Variants in CAPN2 observed in about 807,000 individuals in gnomAD.
The protein encoded by CAPN2 is calpain-2 catalytic subunit.
Under a neutral mutation model 102.3 loss-of-function variants are expected in CAPN2, and 92 were observed. The observed-to-expected ratio is 0.90, with a 90% CI of 0.76 to 1.07. The LOEUF (loss-of-function observed/expected upper bound fraction) is 1.07, where lower values mean the gene tolerates loss of function less well. Ranked by LOEUF, CAPN2 falls within the 50% of genes least tolerant of loss-of-function variation. The pLI, the probability that CAPN2 is intolerant of heterozygous loss-of-function variation, is 0.00. For synonymous variants in CAPN2, 340 were observed against 355.4 expected (o/e 0.96, Z 0.49); for missense variants, 800 against 909.4 (o/e 0.88, Z 1.55).
intron 1 of CAPN2, among the ~76,000 whole-genome samples, chr1:223,715,034 A>C (rs1054795022): frequency 6.6e-6 from 1 of 152,226 alleles, no homozygotes; most frequent in African/African-American, 2.4e-5. Context: ...CTCAGAGTCA[A>C]GTGGATATAG....
chr1:223,708,735 C>T (rs534878570), upstream of CAPN2, among the ~76,000 whole-genome samples: 6 of 151,572 alleles, frequency 4.0e-5, no homozygotes, highest in African/African-American at 1.5e-4. Flanking sequence ...TGCACCACTG[C>T]ACTCCAGCCT....
intron 3 of CAPN2, 96 bp from the exon 4 acceptor site, chr1:223,745,210 C>G (rs28370053): frequency 6.5e-7 from 1 of 1,536,930 alleles, no homozygotes; most frequent in Non-Finnish European, 8.9e-7. Flanking sequence ...GAACCTATCC[C>G]AGGGGATCAG....
At chr1:223,736,682 A>G (rs574561962) in intron 2 of CAPN2, among the ~76,000 whole-genome samples, 1 of 152,218 alleles carries the variant, frequency 6.6e-6, no homozygotes, top group East Asian at 1.9e-4. Flanking sequence ...TTTAAATCCA[A>G]GGGTTCCCTT....
At chr1:223,714,249 T>C (rs1042441071) in intron 1 of CAPN2, among the ~76,000 whole-genome samples, 1 of 152,230 alleles carries the variant, frequency 6.6e-6, no homozygotes, top group African/African-American at 2.4e-5. Flanking sequence ...ATCATGTGTA[T>C]ATTATTTACC....
At chr1:223,707,676 T>C (rs1659642113), upstream of CAPN2, among the ~76,000 whole-genome samples, 1 of 152,178 alleles carries the variant, frequency 6.6e-6, no homozygotes, top group Non-Finnish European at 1.5e-5. Flanking sequence ...CAGCGATCCC[T>C]AGAAGGCTGG....
chr1:223,745,678 TTC>T (rs1434279190), intron 4 of CAPN2, among the ~76,000 whole-genome samples: 1 of 152,242 alleles, frequency 6.6e-6, no homozygotes, highest in African/African-American at 2.4e-5. Flanking sequence ...ATAGAAGGAC[TTC>T]TTTGGCCAAA....
intron 1 of CAPN2, among the ~76,000 whole-genome samples, chr1:223,704,112 G>A (rs973151419): frequency 6.6e-6 from 1 of 151,068 alleles, no homozygotes; most frequent in African/African-American, 2.5e-5. Context: ...CCAACATGGT[G>A]AAACCCCGTC....
At position 223,755,407 on chromosome 1, in the gene CAPN2, G is replaced by A. The variant is rs1016137920; in HGVS notation, c.1136-73G>A. On this transcript the variant is annotated intron_variant, in intron 9 of 20. Transcript: ENST00000295006. The surrounding 1 kb of genome is among the most constrained non-coding windows in gnomAD (Gnocchi z 4.1). The stretch of plus-strand genomic sequence containing the variant: ...ATCCCTCTCAGAAGCCTCCAAGCCT[G>A]AGACCAGGGCCACCCCCCACCCCCA... The A allele has an allele frequency of 3.5e-5, 53 of 1,522,510 alleles. No individual in the cohort carries two copies. In the South Asian group the frequency reaches 5.6e-4, roughly 16 times the overall value. The allele number at this position is 1,522,510 out of a possible 1,614,324, so 94.3% of individuals were successfully genotyped here.
At chr1:223,741,430 T>TAG in intron 2 of CAPN2, among the ~76,000 whole-genome samples, 1 of 74,842 alleles carries the variant, frequency 1.3e-5, no homozygotes, top group African/African-American at 1.3e-4. Context: ...TGTATATATA[T>TAG]ATATAATGTG....
At chr1:223,720,679 A>G (rs1296588330) in intron 2 of CAPN2, among the ~76,000 whole-genome samples, 1 of 152,156 alleles carries the variant, frequency 6.6e-6, no homozygotes, top group Non-Finnish European at 1.5e-5. Context: ...GCATAACAGT[A>G]TGCAATTCAT....
rs1660420094 is a variant in CAPN2 at position 223,735,143 on chromosome 1, C to T, written c.308-8957C>T. ...GCCGAGGATACACCTCATCATGATC[C>T]TCCTTTCACAGCTGAGAACACACCA... is the stretch of plus-strand genomic sequence containing the variant. On this transcript the variant is annotated intron_variant, in intron 2 of 20. Transcript: ENST00000295006. 1.3e-5 allele frequency among the ~76,000 whole-genome samples: 2 copies of T among 152,190 alleles called. 1 individual carries two copies. The highest frequency in any genetic ancestry group is 1.3e-4 in the Admixed American group (2 of 15,278).
intron 1 of CAPN2, among the ~76,000 whole-genome samples, chr1:223,717,377 A>G (rs1471587314): frequency 2.6e-5 from 4 of 152,186 alleles, no homozygotes; most frequent in African/African-American, 9.6e-5. Flanking sequence ...AACAACTTGC[A>G]TGCAGTAACA....
intron 1 of CAPN2, among the ~76,000 whole-genome samples, chr1:223,714,431 T>G (rs1197170752): frequency 6.6e-6 from 1 of 152,020 alleles, no homozygotes; most frequent in African/African-American, 2.4e-5. Context: ...AGTGACTGTT[T>G]GTAGAATATG....
upstream of CAPN2, chr1:223,712,495 C>T: frequency 1.7e-6 from 2 of 1,192,736 alleles, no homozygotes; most frequent in African/African-American, 1.6e-5. Context: ...GCGGGCCGGG[C>T]CGCTTCCCTC....
At chr1:223,749,807 G>C (rs564723042) in intron 6 of CAPN2, among the ~76,000 whole-genome samples, 2 of 152,300 alleles carry the variant, frequency 1.3e-5, no homozygotes, top group South Asian at 2.1e-4. Context: ...TCGAGCCTAG[G>C]AGTTCAAGAC....
chr1:223,734,448 G>C (rs1038344257), intron 2 of CAPN2, among the ~76,000 whole-genome samples: 4 of 152,004 alleles, frequency 2.6e-5, no homozygotes, highest in Admixed American at 1.3e-4. Context: ...AGGACACCTC[G>C]CCCAGTGCTC....
In CAPN2 at chr1:223,737,716, G is replaced by A. The variant is rs1299209075; in HGVS notation, c.308-6384G>A. On this transcript the variant is annotated intron_variant, in intron 2 of 20. Coordinates refer to ENST00000295006, the MANE Select transcript of CAPN2 (RefSeq NM_001748.5). ...ACCAAAAGAGACGGGGCGGGGGGTG[G>A]GGGGGAGAGAATACAATAACACCAT... Among the ~76,000 whole-genome samples, 2 of 28,208 alleles carry A rather than the reference G, an allele frequency of 7.1e-5. 1 individual carries two copies. Among genetic ancestry groups the A allele is most frequent in the African/African-American group, 1.8e-4 (2 of 11,062 alleles). 18.5% of individuals were successfully genotyped at this position (28,208 alleles called of 152,430 possible).
chr1:223,770,472 A>C lies in CAPN2; in HGVS notation c.1850A>C (p.Asp617Ala). 1 of 1,613,866 alleles carries C rather than the reference A, an allele frequency of 6.2e-7. No individual in the cohort carries two copies. Among genetic ancestry groups the C allele is most frequent in the Non-Finnish European group, 8.5e-7 (1 of 1,179,836 alleles). ...YQKIYREIDV[D>A]RSGTMNSYEM... The stretch of plus-strand genomic sequence containing the variant: ...AAAATTTACCGAGAAATCGACGTTG[A>C]CAGGTCTGGTACCATGAATTCCTAT... Residue 617 changes from aspartate (D) to alanine (A), a missense_variant, in exon 18 of 21, where the codon GAC becomes GCC. By Grantham distance (126) the Asp-to-Ala change is moderately radical (BLOSUM62 -2). Coordinates refer to ENST00000295006, the MANE Select transcript of CAPN2 (RefSeq NM_001748.5).
intron 5 of CAPN2, 86 bp from the exon 6 acceptor site, chr1:223,748,953 C>A: frequency 7.7e-7 from 1 of 1,300,446 alleles, no homozygotes; most frequent in East Asian, 2.4e-5. Context: ...CCGGCGGTCC[C>A]GCCCGGCAGT....
Sources: allele counts gnomAD v4.1 joint callset (sites outside exome capture counted in the v4.1 genomes callset), GRCh38; gene constraint gnomAD v4.1.1; non-coding constraint Gnocchi (gnomAD v3.1); transcripts MANE v1.5; gene names NCBI Gene and HGNC (gene_info 2026-07-23, HGNC 2026-07-21).